The following IGF2R variants were observed in gnomAD, a reference collection of about 807,000 sequenced individuals.
The protein encoded by IGF2R is insulin like growth factor 2 receptor.
Under a neutral mutation model 270.6 loss-of-function variants are expected in IGF2R, and 91 were observed. That is an observed-to-expected ratio of 0.34 (90% CI 0.28 to 0.40). The LOEUF is 0.40. IGF2R is among the 10% of genes least tolerant of loss of function. The pLI is 1.00. For missense variants in IGF2R, 2,805 were observed against 3,188.3 expected (o/e 0.88, Z 2.90); for synonymous variants, 1,316 against 1,258.9 (o/e 1.05, Z -0.96).
At chr6:159,975,240 C>T (rs1783671526) in intron 1 of IGF2R, among the ~76,000 whole-genome samples, 1 of 152,172 alleles carries the variant, frequency 6.6e-6, no homozygotes, top group South Asian at 2.1e-4. Flanking sequence ...GAGTGACTTA[C>T]AGAACTCAGG....
intron 35 of IGF2R, 99 bp downstream of exon 35, chr6:160,074,074 TA>T: frequency 1.0e-4 from 84 of 808,474 alleles, no homozygotes; most frequent in Non-Finnish European, 1.2e-4. Context: ...TGCTCAAGCA[TA>T]AAAAAAATGG....
In IGF2R at chr6:160,056,510, G is replaced by A. The variant is rs1417775799; in HGVS notation, c.2781G>A (p.Thr927=). ...AGGCTGCCTGTCCCATTCAGACAAC[G>A]ACGGATACAGACCAGGTACGTGTGC... ...NTEAACPIQT[T]TDTDQACSIR... is the part of the protein sequence containing the mutation. The change falls in exon 20 of 48, where the codon ACG becomes ACA. Residue 927 remains threonine, a synonymous_variant. Coordinates refer to ENST00000356956, the MANE Select transcript of IGF2R (RefSeq NM_000876.4). 6.2e-7 allele frequency: 1 copy of A among 1,610,768 alleles called. No homozygotes were observed. The highest frequency in any genetic ancestry group is 1.7e-5 in the Admixed American group (1 of 60,024).
intron 22 of IGF2R, among the ~76,000 whole-genome samples, 162 bp from the exon 23 acceptor site, chr6:160,060,385 C>T (rs748791973): frequency 6.6e-6 from 1 of 152,244 alleles, no homozygotes; most frequent in African/African-American, 2.4e-5. Flanking sequence ...TTGTTCATGT[C>T]GAGTCCCTCG....
chr6:160,075,757 G>T (rs1778842809), intron 35 of IGF2R, 90 bp from the exon 36 acceptor site: 3 of 1,391,366 alleles, frequency 2.2e-6, no homozygotes, highest in Non-Finnish European at 3.0e-6. Context: ...ATGAGGTCTG[G>T]TTTTTGCAAT....
intron 19 of IGF2R, among the ~76,000 whole-genome samples, chr6:160,053,736 T>G (rs1778247653): frequency 1.3e-5 from 2 of 152,330 alleles, no homozygotes; most frequent in South Asian, 4.1e-4. Flanking sequence ...AGGGTCTTGC[T>G]GTGTCACCCA....
intron 5 of IGF2R, among the ~76,000 whole-genome samples, chr6:160,025,820 T>C (rs112343257): frequency 3.9e-5 from 6 of 152,354 alleles, no homozygotes; most frequent in African/African-American, 1.4e-4. Flanking sequence ...TTGTAGATTA[T>C]TGAATTCTGG....
At position 160,030,918 on chromosome 6, in the gene IGF2R, A is replaced by G. The variant is rs141664814; in HGVS notation, c.882+1263A>G. Among the ~76,000 whole-genome samples the G allele has an allele frequency of 4.4e-3, 657 of 150,924 alleles. 2 individuals carry two copies. The highest frequency in any genetic ancestry group is 0.014 in the Middle Eastern group (4 of 294). ...ACTTCACTACAATCTCCGCCTCCCT[A>G]GTTCAAGCAATCCTCCCACTTCAAG... On this transcript the variant is annotated intron_variant, in intron 7 of 47. Coordinates refer to ENST00000356956, the MANE Select transcript of IGF2R (RefSeq NM_000876.4).
chr6:160,036,399 C>T (rs1777825468), intron 10 of IGF2R, among the ~76,000 whole-genome samples: 1 of 152,118 alleles, frequency 6.6e-6, no homozygotes, highest in Non-Finnish European at 1.5e-5. Flanking sequence ...CCCATGTGCC[C>T]AGCCCCTCTG....
At chr6:160,091,514 C>T (rs1303269914) in intron 44 of IGF2R, among the ~76,000 whole-genome samples, 3 of 152,230 alleles carry the variant, frequency 2.0e-5, no homozygotes, top group Non-Finnish European at 1.5e-5. Flanking sequence ...TGCATCTGCT[C>T]ATAGCACCTG....
chr6:160,088,450 G>A lies in IGF2R; in HGVS notation c.6320+303G>A, dbSNP rs55849883. 2.2e-3 allele frequency among the ~76,000 whole-genome samples: 335 copies of A among 152,336 alleles called. 2 individuals are homozygous for A. Among genetic ancestry groups the A allele is most frequent in the Admixed American group, 4.4e-3 (68 of 15,300 alleles). ...AATGTCATAGTAGAAACAAAGGGGC[G>A]TGGATTTGTCCCACCCGAGGTGTTC... On this transcript the variant is annotated intron_variant, in intron 42 of 47. Coordinates refer to ENST00000356956, the MANE Select transcript of IGF2R (RefSeq NM_000876.4).
At chr6:160,035,415 T>A (rs1473188503) in intron 10 of IGF2R, among the ~76,000 whole-genome samples, 1 of 152,164 alleles carries the variant, frequency 6.6e-6, no homozygotes, top group Non-Finnish European at 1.5e-5. Context: ...TCTCGAAGCC[T>A]CCGGAGATCA....
rs534431375 is a variant in IGF2R, at chr6:160,099,305, A to T, written c.6842+2680A>T. Among the ~76,000 whole-genome samples the T allele has an allele frequency of 7.9e-5, 12 of 152,270 alleles. No homozygotes were observed. The South Asian group carries it at 2.3e-3, about 29-fold the overall frequency. ...TGCAACTTTATGTGAAATGATGTAT[A>T]ATGAAACCAGTTTTTTTTCCTCAGC... is the stretch of plus-strand genomic sequence containing the variant. On this transcript the variant is annotated intron_variant, in intron 45 of 47. Transcript: ENST00000356956.
In IGF2R at chr6:160,034,532, C is replaced by G; in HGVS notation, c.1315+10C>G. Reference sequence around the variant, plus strand: ...TGCAATAAAACCGCAGGTAAGTGTGCGCTGGAGTTCAGCCCCTCCTCTTTG... The same window carrying G: ...TGCAATAAAACCGCAGGTAAGTGTGGGCTGGAGTTCAGCCCCTCCTCTTTG... On this transcript the variant is annotated intron_variant, in intron 10 of 47. Transcript: ENST00000356956. The G allele has an allele frequency of 6.4e-7, 1 of 1,554,584 alleles. No homozygotes were observed. Among genetic ancestry groups the G allele is most frequent in the African/African-American group, 1.4e-5 (1 of 73,878 alleles).
intron 2 of IGF2R, among the ~76,000 whole-genome samples, chr6:160,008,365 C>G (rs564235004): frequency 6.6e-6 from 1 of 152,194 alleles, no homozygotes; most frequent in Non-Finnish European, 1.5e-5. Flanking sequence ...ACATTTGTGT[C>G]TCTGTGCTCT....
intron 7 of IGF2R, among the ~76,000 whole-genome samples, chr6:160,031,721 T>A (rs1777701421): frequency 6.6e-6 from 1 of 152,194 alleles, no homozygotes; most frequent in Non-Finnish European, 1.5e-5. Context: ...TTACTAATTG[T>A]GTGCGACCTG....
intron 5 of IGF2R, among the ~76,000 whole-genome samples, chr6:160,026,274 A>T (rs998623183): frequency 2.6e-5 from 4 of 152,220 alleles, no homozygotes; most frequent in African/African-American, 9.6e-5. Context: ...TAATTTCATA[A>T]TTGTTTGGAA....
intron 3 of IGF2R, chr6:160,010,301 A>G (rs1784312831): frequency 5.9e-6 from 1 of 170,580 alleles, no homozygotes; most frequent in Non-Finnish European, 1.3e-5. Context: ...TGGGCTCCTC[A>G]TGGGAGCCTT....
rs1423961979 is a variant in IGF2R, at chr6:160,044,588, T to C, written c.1696T>C (p.Tyr566His). 1 of 1,609,514 alleles carries C rather than the reference T, an allele frequency of 6.2e-7. No homozygotes were observed. The highest frequency in any genetic ancestry group is 8.5e-7 in the Non-Finnish European group (1 of 1,176,336). The part of the protein sequence containing the change: ...MKEKGNIQLS[Y>H]SDGDDCGHGK... ...AGAGAAAGGAAACATTCAACTCTCT[T>C]ATTCAGATGGTGATGATTGTGGTCA... Residue 566 changes from tyrosine (Y) to histidine (H), a missense_variant, in exon 13 of 48, where the codon TAT (tyrosine) becomes CAT (histidine). Physicochemically the swap from Tyr to His is moderately conservative, Grantham distance 83 (BLOSUM62 2). Coordinates refer to ENST00000356956, the MANE Select transcript of IGF2R (RefSeq NM_000876.4).
At chr6:160,034,584 T>C (rs771793002) in intron 10 of IGF2R, 62 bp downstream of exon 10, 9 of 1,062,540 alleles carry the variant, frequency 8.5e-6, no homozygotes, top group Non-Finnish European at 1.3e-5. Context: ...CTTGTGTGTG[T>C]GCACAGGCGT....
Sources: allele counts gnomAD v4.1 joint callset (sites outside exome capture counted in the v4.1 genomes callset), GRCh38; gene constraint gnomAD v4.1.1; transcripts MANE v1.5; gene names NCBI Gene and HGNC (gene_info 2026-07-23, HGNC 2026-07-21).